Variants in GTF3C3 observed in about 807,000 individuals in gnomAD.
GTF3C3 encodes the protein general transcription factor IIIC subunit 3, also known as general transcription factor 3C polypeptide 3.
GTF3C3 carries 75 observed loss-of-function variants against 105.2 expected under a neutral mutation model. The observed-to-expected ratio is 0.71, with a 90% confidence interval of 0.59 to 0.86. The LOEUF is 0.86. GTF3C3 is among the 40% of genes least tolerant of loss of function. The probability of loss-of-function intolerance (pLI) is 0.00; values close to 1 mark genes in which losing one functional copy is unlikely to be tolerated. For missense variants in GTF3C3, 856 were observed against 1,076.5 expected (o/e 0.80, Z 2.87); for synonymous variants, 335 against 370.4 (o/e 0.90, Z 1.10).
rs1239654072 is a variant in GTF3C3 at position 196,786,354 on chromosome 2, C to G, written c.894-766G>C. Among the ~76,000 whole-genome samples, 2 of 152,170 alleles carry G rather than the reference C, an allele frequency of 1.3e-5. No individual in the cohort carries two copies. The highest frequency in any genetic ancestry group is 2.9e-5 in the Non-Finnish European group (2 of 68,020). On this transcript the variant is annotated intron_variant, in intron 6 of 17. Transcript: ENST00000263956. The surrounding 1 kb of genome is among the most constrained non-coding windows in gnomAD (Gnocchi z 4.2). Reference sequence around the variant, plus strand: ...GTCCTAGACAACTATTGACATCTCTCTCTTTTCAAACCTCCAGCAGTCTCC... The same window carrying G: ...GTCCTAGACAACTATTGACATCTCTGTCTTTTCAAACCTCCAGCAGTCTCC...
At chr2:196,765,905 G>C (rs1358749774) in intron 17 of GTF3C3, among the ~76,000 whole-genome samples, 3 of 151,044 alleles carry the variant, frequency 2.0e-5, no homozygotes, top group Non-Finnish European at 1.5e-5. Flanking sequence ...AGCTACTCAG[G>C]AGGCTGAGGC....
chr2:196,772,770 C>T, intron 14 of GTF3C3, 146 bp downstream of exon 14: 4 of 534,586 alleles, frequency 7.5e-6, no homozygotes, highest in South Asian at 3.0e-5. Flanking sequence ...TCCTAGAGTG[C>T]ATCTTCTTAT....
intron 6 of GTF3C3, among the ~76,000 whole-genome samples, chr2:196,788,290 C>G (rs1461559576): frequency 6.6e-6 from 1 of 152,188 alleles, no homozygotes; most frequent in Non-Finnish European, 1.5e-5. Flanking sequence ...CCTAATGTAC[C>G]CTGATGGAGA....
rs987012774 is a variant in GTF3C3 at position 196,764,303 on chromosome 2, T to G, written c.*260A>C. 1 of 297,684 alleles carries G rather than the reference T, an allele frequency of 3.4e-6. No homozygotes were observed. Among genetic ancestry groups the G allele is most frequent in the African/African-American group, 2.1e-5 (1 of 47,170 alleles). The allele number at this position is 297,684 out of a possible 1,614,324, so 18.4% of individuals were successfully genotyped here. A position where few individuals can be genotyped will look rare whatever the true frequency, so the allele number is the denominator to read the frequency against. Reference sequence around the variant, plus strand: ...TTCGACTCCAAGCTAGCTCAAAGGCTTACACGTCCATTTCAACATTGGGAA... The same window carrying G: ...TTCGACTCCAAGCTAGCTCAAAGGCGTACACGTCCATTTCAACATTGGGAA... On this transcript the variant is annotated 3_prime_UTR_variant, in exon 18 of 18. Transcript: ENST00000263956.
intron 13 of GTF3C3, among the ~76,000 whole-genome samples, chr2:196,774,115 C>T (rs1699223061): frequency 6.6e-6 from 1 of 152,182 alleles, no homozygotes; most frequent in Non-Finnish European, 1.5e-5. Flanking sequence ...CCTTAGTTCT[C>T]TGTAAAAAGC....
intron 17 of GTF3C3, among the ~76,000 whole-genome samples, 191 bp downstream of exon 17, chr2:196,766,374 T>C (rs1480668638): frequency 6.6e-6 from 1 of 152,210 alleles, no homozygotes; most frequent in African/African-American, 2.4e-5. Context: ...TATGTTCATA[T>C]GGTTGCTGGT....
chr2:196,789,855 A>T, intron 5 of GTF3C3, 24 bp downstream of exon 5: 4 of 491,464 alleles, frequency 8.1e-6, no homozygotes, highest in Non-Finnish European at 1.1e-5. Context: ...TGTAAAAGTG[A>T]AAAAAAAAAA....
Position 196,786,372 on chromosome 2 carries a change from C to G in GTF3C3, c.894-784G>C, listed in dbSNP as rs1002232812. On this transcript the variant is annotated intron_variant, in intron 6 of 17. Coordinates refer to ENST00000263956, the MANE Select transcript of GTF3C3 (RefSeq NM_012086.5). The surrounding 1 kb of genome is among the most constrained non-coding windows in gnomAD (Gnocchi z 4.2). The stretch of plus-strand genomic sequence containing the variant: ...CATCTCTCTCTTTTCAAACCTCCAG[C>G]AGTCTCCCAGTCCCCACTCTCAGTT... 5.3e-5 allele frequency among the ~76,000 whole-genome samples: 8 copies of G among 152,106 alleles called. No homozygotes were observed. The highest frequency in any genetic ancestry group is 4.1e-4 in the South Asian group (2 of 4,832).
chr2:196,797,270 G>C (rs1410179324), intron 2 of GTF3C3, among the ~76,000 whole-genome samples: 2 of 152,132 alleles, frequency 1.3e-5, no homozygotes, highest in Non-Finnish European at 2.9e-5. Context: ...AATAGTCTGG[G>C]TGCACTAACC....
At chr2:196,795,841 A>C (rs1423174160) in intron 2 of GTF3C3, among the ~76,000 whole-genome samples, 1 of 152,224 alleles carries the variant, frequency 6.6e-6, no homozygotes, top group Non-Finnish European at 1.5e-5. Flanking sequence ...GGAAAAAATA[A>C]AATTATTAAG....
At chr2:196,787,546 G>C (rs189572661) in intron 6 of GTF3C3, among the ~76,000 whole-genome samples, 1 of 151,938 alleles carries the variant, frequency 6.6e-6, no homozygotes, top group East Asian at 1.9e-4. Context: ...ATCTGTTCTC[G>C]TACCTACTTC....
intron 16 of GTF3C3, 81 bp downstream of exon 16, chr2:196,769,834 G>T: frequency 1.7e-6 from 2 of 1,197,198 alleles, no homozygotes; most frequent in Non-Finnish European, 2.4e-6. Flanking sequence ...TACTTTTGAA[G>T]CAGGATTTTT....
chr2:196,782,765 C>G (rs1699388512), intron 8 of GTF3C3, among the ~76,000 whole-genome samples: 1 of 152,142 alleles, frequency 6.6e-6, no homozygotes, highest in African/African-American at 2.4e-5. Flanking sequence ...TGCAGGTAAA[C>G]AAACTGTTAC....
intron 8 of GTF3C3, among the ~76,000 whole-genome samples, chr2:196,784,364 A>G (rs1699417877): frequency 6.6e-6 from 1 of 152,196 alleles, no homozygotes; most frequent in Non-Finnish European, 1.5e-5. Context: ...GTATGGTACA[A>G]AGAGACTGCA....
At chr2:196,789,140 A>G (rs1490791510) in intron 6 of GTF3C3, 64 bp downstream of exon 6, 32 of 1,305,050 alleles carry the variant, frequency 2.5e-5, no homozygotes, top group Non-Finnish European at 3.2e-5. Flanking sequence ...TATTCCAAAT[A>G]TATGCTTTGA....
At chr2:196,767,620 T>C (rs949553537) in intron 16 of GTF3C3, among the ~76,000 whole-genome samples, 1 of 152,222 alleles carries the variant, frequency 6.6e-6, no homozygotes, top group African/African-American at 2.4e-5. Context: ...TCGTGTTCAG[T>C]ATACAAATCA....
chr2:196,773,281 C>T (rs1467687842), intron 13 of GTF3C3, 128 bp from the exon 14 acceptor site: 7 of 665,468 alleles, frequency 1.1e-5, no homozygotes, highest in African/African-American at 1.8e-5. Flanking sequence ...CCAGTGCTCT[C>T]CGGACAAAGA....
rs1374249706 is a variant in GTF3C3 at position 196,763,140 on chromosome 2, G to A, written c.*1423C>T. The A allele has an allele frequency of 6.6e-6, 1 of 152,122 alleles. No homozygotes were observed. The highest frequency in any genetic ancestry group is 1.5e-5 in the Non-Finnish European group (1 of 68,032). The allele number at this position is 152,122 out of a possible 1,614,324, so 9.4% of individuals were successfully genotyped here. On this transcript the variant is annotated 3_prime_UTR_variant, in exon 18 of 18. Coordinates refer to ENST00000263956, the MANE Select transcript of GTF3C3 (RefSeq NM_012086.5). Reference sequence around the variant, plus strand: ...GAGAATCAGAGATAACATATCCAAAGTGTTTAGCACCATACTTAGCATACA... The same window carrying A: ...GAGAATCAGAGATAACATATCCAAAATGTTTAGCACCATACTTAGCATACA...
Position 196,770,028 on chromosome 2 carries a change from G to C in GTF3C3, c.2272C>G (p.Gln758Glu), listed in dbSNP as rs765312277. 7 of 1,545,546 alleles carry C rather than the reference G, an allele frequency of 4.5e-6. No homozygotes were observed. The highest frequency in any genetic ancestry group is 4.3e-6 in the Non-Finnish European group (5 of 1,153,556). The change falls in exon 16 of 18, where the codon CAA becomes GAA. Residue 758 changes from glutamine to glutamate, a missense_variant. Around this residue, in one of 3 missense-constraint regions of GTF3C3, gnomAD observed 605 missense variants for 833.6 expected, o/e 0.73. Transcript: ENST00000263956. ...TCGTCAGGGTGAGTGCGAAAGGCTT[G>C]CACATACTGTCCTGGAAAATAAGCA... ...SFKHALGQYVQAFRTHPDEPL... is the reference protein window; with the variant it reads ...SFKHALGQYVEAFRTHPDEPL...
Sources: gnomAD v4.1 joint callset for allele counts (sites outside exome capture counted in the v4.1 genomes callset) on GRCh38, gnomAD v4.1.1 for gene constraint, gnomAD v4.1.1 regional missense constraint, Gnocchi (gnomAD v3.1) non-coding constraint, MANE v1.5 for transcripts, NCBI Gene and HGNC (gene_info 2026-07-23, HGNC 2026-07-21) for gene names.